ZNF573: variants seen among roughly 807,000 people sequenced by gnomAD.
ZNF573 encodes zinc finger protein 573.
A neutral mutation model predicts 57.4 loss-of-function variants in ZNF573; 41 were observed. That is an observed-to-expected ratio of 0.71 (90% CI 0.56 to 0.93). The LOEUF (loss-of-function observed/expected upper bound fraction) is 0.93. ZNF573 is among the 40% of genes least tolerant of loss of function. The pLI, the probability that ZNF573 is intolerant of heterozygous loss-of-function variation, is 0.00. For synonymous variants in ZNF573, 249 were observed against 261.0 expected (o/e 0.95, Z 0.44); for missense variants, 730 against 794.8 (o/e 0.92, Z 0.98).
In ZNF573 at chr19:37,739,196, GTTGT is replaced by G. The variant is rs756764549; in HGVS notation, c.1290_1293del (p.Lys430AsnfsTer9). The stretch of plus-strand genomic sequence containing the variant: ...TTCATGCCAGTATGAATTTTCTGAT[GTTGT>G]TTAAGGTAGCCATACAAGCTAAAGG... On this transcript the variant is annotated frameshift_variant, in exon 5 of 5. Coordinates refer to ENST00000536220, the MANE Select transcript of ZNF573 (RefSeq NM_001172690.2). LOFTEE classifies it high-confidence loss of function. The G allele has an allele frequency of 6.2e-7, 1 of 1,612,768 alleles. No homozygotes were observed. The highest frequency in any genetic ancestry group is 8.5e-7 in the Non-Finnish European group (1 of 1,179,630).
chr19:37,759,974 A>G lies in ZNF573; in HGVS notation c.295+10031T>C, dbSNP rs567005435. The stretch of plus-strand genomic sequence containing the variant: ...GGAGAAGATTATTTTTCTCAGCTTC[A>G]GCAATAAGAAATGCAAACGATAAAG... On this transcript the variant is annotated intron_variant, in intron 4 of 4. Transcript: ENST00000536220. Among the ~76,000 whole-genome samples, 9 of 152,362 alleles carry G rather than the reference A, an allele frequency of 5.9e-5. No individual in the cohort carries two copies. In the South Asian group the frequency reaches 1.4e-3, roughly 25 times the overall value.
At chr19:37,754,611 T>C (rs554905517) in intron 4 of ZNF573, among the ~76,000 whole-genome samples, 1 of 151,464 alleles carries the variant, frequency 6.6e-6, no homozygotes, top group Non-Finnish European at 1.5e-5. Context: ...AAAGTCTCTA[T>C]TAAATGGCTT....
intron 4 of ZNF573, among the ~76,000 whole-genome samples, chr19:37,745,522 A>G (rs1599684927): frequency 6.6e-6 from 1 of 151,958 alleles, no homozygotes; most frequent in Non-Finnish European, 1.5e-5. Flanking sequence ...CAGCCTCTGG[A>G]GTAGCTGGGA....
intron 4 of ZNF573, among the ~76,000 whole-genome samples, chr19:37,747,799 T>C (rs1202913637): frequency 1.3e-5 from 2 of 152,118 alleles, no homozygotes; most frequent in African/African-American, 2.4e-5. Flanking sequence ...GCCATTCTCC[T>C]GCCTCAGCCT....
In ZNF573 at chr19:37,739,638, A is replaced by C. The variant is rs1446768415; in HGVS notation, c.852T>G (p.Ser284Arg). The C allele has an allele frequency of 6.2e-7, 1 of 1,613,998 alleles. No homozygotes were observed. Among genetic ancestry groups the C allele is most frequent in the East Asian group, 2.2e-5 (1 of 44,874 alleles). ...YKCKECGKTF[S>R]RRSNLVEHGQ... ...CATGTTCAACAAGATTTGAGCGCCTACTAAAAGTCTTCCCACATTCCTTAC... is the reference window on the plus strand; with the variant it reads ...CATGTTCAACAAGATTTGAGCGCCTCCTAAAAGTCTTCCCACATTCCTTAC... The change falls in exon 5 of 5, where the codon AGT becomes AGG. Residue 284 changes from serine to arginine, a missense_variant. Coordinates refer to ENST00000536220, the MANE Select transcript of ZNF573 (RefSeq NM_001172690.2).
Position 37,739,091 on chromosome 19 carries a change from T to C in ZNF573, c.1399A>G (p.Lys467Glu), listed in dbSNP as rs139015807. ...LTRHQNIHTG[K>E]KLFECQECGK... is the part of the protein sequence containing the mutation. The stretch of plus-strand genomic sequence containing the variant: ...CATTCCTGACATTCAAAAAGTTTCT[T>C]ACCAGTGTGAATATTCTGATGTCGA... The change falls in exon 5 of 5, where the codon AAG (lysine) becomes GAG (glutamate). Residue 467 changes from lysine to glutamate, a missense_variant. Physicochemically the swap from Lys to Glu is moderately conservative, Grantham distance 56. Coordinates refer to ENST00000536220, the MANE Select transcript of ZNF573 (RefSeq NM_001172690.2). The C allele has an allele frequency of 8.9e-5, 143 of 1,613,204 alleles. No homozygotes were observed. The highest frequency in any genetic ancestry group is 1.2e-4 in the Non-Finnish European group (141 of 1,179,716).
At chr19:37,774,251 T>C (rs241947) in intron 1 of ZNF573, among the ~76,000 whole-genome samples, 126,661 of 151,254 alleles carry the variant, frequency 0.84, 53,228 homozygotes, top group East Asian at 0.91. Context: ...GATTCTCCTG[T>C]CTCAGCCACC....
chr19:37,767,233 C>CT (rs200995291), intron 4 of ZNF573, among the ~76,000 whole-genome samples: 4,755 of 144,546 alleles, frequency 0.033, 215 homozygotes, highest in African/African-American at 0.1. Context: ...AGATTCATTC[C>CT]TTTTTTTTTT....
rs2045307211 is a variant in ZNF573, at chr19:37,739,818, C to T, written c.672G>A (p.Gly224=). 6.2e-7 allele frequency: 1 copy of T among 1,613,928 alleles called. No homozygotes were observed. The highest frequency in any genetic ancestry group is 1.3e-5 in the African/African-American group (1 of 74,896). Residue 224 remains glycine, a synonymous_variant, in exon 5 of 5, where the codon GGG becomes GGA. Coordinates refer to ENST00000536220, the MANE Select transcript of ZNF573 (RefSeq NM_001172690.2). ...GEKTYECRQC[G]KAFIYASHIV... ...TGTGTGAGGCATATATAAAGGCCTT[C>T]CCACACTGCCTACATTCATAGGTTT...
intron 4 of ZNF573, among the ~76,000 whole-genome samples, chr19:37,760,218 C>T (rs1006113140): frequency 2.6e-5 from 4 of 152,154 alleles, no homozygotes; most frequent in Non-Finnish European, 5.9e-5. Flanking sequence ...TTCTAAATGG[C>T]GTTCCCAATA....
chr19:37,770,219 A>T (rs1000173103), intron 3 of ZNF573, 122 bp from the exon 4 acceptor site: 1 of 751,150 alleles, frequency 1.3e-6, no homozygotes, highest in Non-Finnish European at 2.1e-6. Context: ...GAGATGATTG[A>T]AGAAATGAAA....
intron 4 of ZNF573, among the ~76,000 whole-genome samples, chr19:37,751,037 G>C (rs1424992755): frequency 2.0e-5 from 3 of 150,430 alleles, no homozygotes; most frequent in Non-Finnish European, 4.4e-5. Context: ...TATATAGACA[G>C]TATATATACT....
Position 37,764,902 on chromosome 19 carries a change from C to CT in ZNF573, c.295+5102dup, listed in dbSNP as rs34049888. Among the ~76,000 whole-genome samples, 398 of 106,512 alleles carry CT rather than the reference C, an allele frequency of 3.7e-3. 1 individual carries two copies. Among genetic ancestry groups the CT allele is most frequent in the Non-Finnish European group, 4.8e-3 (271 of 56,470 alleles). The allele number at this position is 106,512 out of a possible 152,430, so 69.9% of individuals were successfully genotyped here. On this transcript the variant is annotated intron_variant, in intron 4 of 4. Coordinates refer to ENST00000536220, the MANE Select transcript of ZNF573 (RefSeq NM_001172690.2). Reference sequence around the variant, plus strand: ...ACAGGCATGAGCCACTGTGCCCGGCCTTTTTTTTTTTTTTTTTTTTGAGAC... The same window carrying CT: ...ACAGGCATGAGCCACTGTGCCCGGCCTTTTTTTTTTTTTTTTTTTTTGAGAC...
Position 37,738,318 on chromosome 19 carries a change from A to C in ZNF573, c.*174T>G. The C allele has an allele frequency of 1.7e-6, 1 of 574,582 alleles. No homozygotes were observed. The highest frequency in any genetic ancestry group is 2.7e-6 in the Non-Finnish European group (1 of 366,468). The allele number at this position is 574,582 out of a possible 1,614,324, so 35.6% of individuals were successfully genotyped here. Reference sequence around the variant, plus strand: ...TTTTTTTTTCTTAATTTACCATTGAATAGTCAGATATTCCATTAAAACAGG... The same window carrying C: ...TTTTTTTTTCTTAATTTACCATTGACTAGTCAGATATTCCATTAAAACAGG... On this transcript the variant is annotated 3_prime_UTR_variant, in exon 5 of 5. Transcript: ENST00000536220.
chr19:37,765,301 A>T (rs1194971571), intron 4 of ZNF573, among the ~76,000 whole-genome samples: 1 of 152,174 alleles, frequency 6.6e-6, no homozygotes, highest in East Asian at 1.9e-4. Context: ...ACCATTTCCC[A>T]CTAAAAGAAC....
intron 4 of ZNF573, among the ~76,000 whole-genome samples, chr19:37,750,683 A>G (rs528197809): frequency 2.0e-5 from 3 of 152,146 alleles, no homozygotes; most frequent in African/African-American, 7.2e-5. Context: ...GTATTTATAT[A>G]AATTGTTAAA....
rs554623267 is a variant in ZNF573, at chr19:37,771,693, G to A, written c.73C>T (p.Gln25Ter). 1 of 1,591,992 alleles carries A rather than the reference G, an allele frequency of 6.3e-7. No homozygotes were observed. The highest frequency in any genetic ancestry group is 2.3e-5 in the East Asian group (1 of 43,474). Residue 25 changes from glutamine (Q) to a stop codon, truncating the protein, a stop_gained, in exon 3 of 5, where the codon CAG (glutamine) becomes TAG (stop). Transcript: ENST00000536220. LOFTEE classifies it high-confidence loss of function. Reference sequence around the variant, plus strand: ...ACATCCCTGAATGTCACTAATTCCTGAAACTGCAAACCCATGCATTACAAA... The same window carrying A: ...ACATCCCTGAATGTCACTAATTCCTAAAACTGCAAACCCATGCATTACAAA... ...SYNSKTMTCF[Q>*]ELVTFRDVAI...
At chr19:37,743,401 G>C (rs374916196) in intron 4 of ZNF573, among the ~76,000 whole-genome samples, 1 of 151,152 alleles carries the variant, frequency 6.6e-6, no homozygotes, top group Non-Finnish European at 1.5e-5. Flanking sequence ...ATCATCATCA[G>C]AGATCATCAG....
rs548944586 is a variant in ZNF573 at position 37,740,035 on chromosome 19, T to A, written c.455A>T (p.His152Leu). The A allele has an allele frequency of 6.0e-5, 97 of 1,614,168 alleles. 1 individual carries two copies. In the Admixed American group the frequency reaches 1.6e-3, roughly 27 times the overall value. The part of the protein sequence containing the change: ...KFSSGYQLIL[H>L]HRFHVIERPY... ...TCTCTCAATGACATGAAACCTGTGA[T>A]GTAGAATAAGTTGATAACCACTACT... Residue 152 changes from histidine to leucine, a missense_variant, in exon 5 of 5, where the codon CAT (histidine) becomes CTT (leucine). By Grantham distance (99) the His-to-Leu change is moderately conservative. Coordinates refer to ENST00000536220, the MANE Select transcript of ZNF573 (RefSeq NM_001172690.2).
Sources: allele counts gnomAD v4.1 joint callset (sites outside exome capture counted in the v4.1 genomes callset), GRCh38; gene constraint gnomAD v4.1.1; transcripts MANE v1.5; gene names NCBI Gene and HGNC (gene_info 2026-07-23, HGNC 2026-07-21).